Variants in CEP290 observed in about 807,000 individuals in gnomAD.
CEP290 encodes the protein centrosomal protein of 290 kDa.
Under a neutral mutation model 344.9 loss-of-function variants are expected in CEP290, and 317 were observed. The observed-to-expected ratio is 0.92, with a 90% CI of 0.84 to 1.01. CEP290 has a LOEUF of 1.01. Among genes scored for constraint, CEP290 ranks in the 50% least tolerant of loss-of-function variants. The pLI is 0.00. For missense variants in CEP290, 2,754 were observed against 2,761.4 expected (o/e 1.00, Z 0.06); for synonymous variants, 932 against 895.8 (o/e 1.04, Z -0.72).
In CEP290 at chr12:88,080,412, T is replaced by C. The variant is rs2036114425; in HGVS notation, c.5013-17A>G. On this transcript the variant is annotated splice_polypyrimidine_tract_variant and intron_variant, in intron 37 of 53. Coordinates refer to ENST00000552810, the MANE Select transcript of CEP290 (RefSeq NM_025114.4). ...TCTTGAAGCCTGATGTAAATAAACA[T>C]ATGTGTGTGTGTGTTTTTTAATTTT... is the stretch of plus-strand genomic sequence containing the variant. The C allele has an allele frequency of 2.6e-6, 4 of 1,568,352 alleles. No individual in the cohort carries two copies. The highest frequency in any genetic ancestry group is 2.7e-5 in the African/African-American group (2 of 73,318).
Position 88,141,053 on chromosome 12 carries a change from A to G in CEP290, c.103-20T>C, listed in dbSNP as rs1029795688. 2.6e-6 allele frequency: 4 copies of G among 1,542,500 alleles called. No individual in the cohort carries two copies. In the East Asian group the frequency reaches 9.3e-5, roughly 36 times the overall value. ...TTCCACCTAAGTAAACAGAAAAGCA[A>G]CTGTTTTATATTTTATAACCTTCAA... On this transcript the variant is annotated intron_variant, in intron 2 of 53. Transcript: ENST00000552810.
chr12:88,127,486 T>TCAAAAA (rs897853859), intron 11 of CEP290, among the ~76,000 whole-genome samples: 14 of 151,854 alleles, frequency 9.2e-5, no homozygotes, highest in Non-Finnish European at 1.3e-4. Context: ...AGACTCTGTC[T>TCAAAAA]CAAAAACAAA....
chr12:88,116,771 G>A (rs919449508), intron 18 of CEP290, among the ~76,000 whole-genome samples: 2 of 151,780 alleles, frequency 1.3e-5, no homozygotes, highest in Non-Finnish European at 2.9e-5. Context: ...TCAGAAGATC[G>A]AGACCATCCC....
intron 39 of CEP290, among the ~76,000 whole-genome samples, chr12:88,078,392 C>T (rs1288343135): frequency 6.6e-6 from 1 of 151,922 alleles, no homozygotes; most frequent in Non-Finnish European, 1.5e-5. Flanking sequence ...GAAAGGAGTT[C>T]CTAGCTGTCC....
chr12:88,079,262 T>A (rs767235503), intron 38 of CEP290, 33 bp from the exon 39 acceptor site: 1 of 1,530,228 alleles, frequency 6.5e-7, no homozygotes, highest in Non-Finnish European at 8.8e-7. Context: ...ATGTAATTTT[T>A]AAAGGAAAAC....
At chr12:88,115,582 T>A (rs1170352411) in intron 18 of CEP290, 1 of 1,274,564 alleles carries the variant, frequency 7.8e-7, no homozygotes, top group South Asian at 1.2e-5. Flanking sequence ...TAAAGAAAAA[T>A]TTAATAAATT....
At chr12:88,055,080 T>A (rs989818007) in intron 50 of CEP290, among the ~76,000 whole-genome samples, 1 of 152,086 alleles carries the variant, frequency 6.6e-6, no homozygotes, top group African/African-American at 2.4e-5. Flanking sequence ...AAAAGAACTT[T>A]TAAGTTTTAT....
chr12:88,135,409 C>A (rs1339330673), intron 6 of CEP290, among the ~76,000 whole-genome samples: 2 of 152,026 alleles, frequency 1.3e-5, no homozygotes, highest in Non-Finnish European at 2.9e-5. Context: ...GAACAAAAGT[C>A]CAGAAAACCA....
At chr12:88,114,727 G>A (rs1011606752) in intron 19 of CEP290, among the ~76,000 whole-genome samples, 165 bp from the exon 20 acceptor site, 1 of 152,084 alleles carries the variant, frequency 6.6e-6, no homozygotes, top group African/African-American at 2.4e-5. Context: ...GTGAATAGTT[G>A]AGTTAAATGA....
At chr12:88,108,642 T>C (rs1300894497) in intron 23 of CEP290, among the ~76,000 whole-genome samples, 1 of 152,226 alleles carries the variant, frequency 6.6e-6, no homozygotes, top group Non-Finnish European at 1.5e-5. Context: ...GTGATGATGA[T>C]GAATGATGCT....
chr12:88,072,787 T>C (rs2035480108), intron 41 of CEP290, among the ~76,000 whole-genome samples: 1 of 152,058 alleles, frequency 6.6e-6, no homozygotes, highest in African/African-American at 2.4e-5. Context: ...TAAAATCAGA[T>C]AAAAAAGTGT....
chr12:88,076,956 G>A (rs1185228076), intron 41 of CEP290, among the ~76,000 whole-genome samples: 1 of 152,026 alleles, frequency 6.6e-6, no homozygotes, highest in Non-Finnish European at 1.5e-5. Flanking sequence ...GTACTCTAAT[G>A]TCAGAAAGAT....
At chr12:88,141,370 G>A (rs2040650896) in intron 1 of CEP290, 36 bp from the exon 2 acceptor site, 2 of 1,068,568 alleles carry the variant, frequency 1.9e-6, no homozygotes, top group Non-Finnish European at 1.4e-6. Flanking sequence ...CATTTTCAAG[G>A]TACACAGTAT....
At position 88,139,571 on chromosome 12, in the gene CEP290, AT is replaced by A; in HGVS notation, c.181-8del. ...CCACTTCTTGAGCTTTCATCTAAAC[AT>A]TAAAAAAAGGTTATTTCAATATGCC... On this transcript the variant is annotated splice_polypyrimidine_tract_variant and splice_region_variant and intron_variant, in intron 3 of 53. Coordinates refer to ENST00000552810, the MANE Select transcript of CEP290 (RefSeq NM_025114.4). 1 of 1,559,232 alleles carries A rather than the reference AT, an allele frequency of 6.4e-7. No homozygotes were observed.
Position 88,117,039 on chromosome 12 carries a change from T to C in CEP290, c.1818A>G (p.Gln606=). 1.4e-6 allele frequency: 2 copies of C among 1,434,148 alleles called. No homozygotes were observed. Among genetic ancestry groups the C allele is most frequent in the South Asian group, 1.2e-5 (1 of 80,650 alleles). 88.8% of individuals were successfully genotyped at this position (1,434,148 alleles called of 1,614,324 possible). A position where few individuals can be genotyped will look rare whatever the true frequency, so the allele number is the denominator to read the frequency against. The change falls in exon 18 of 54, where the codon CAA becomes CAG. Residue 606 remains glutamine, a synonymous_variant. Transcript: ENST00000552810. ...LLSLKNMSEA[Q]SKNEFLSREL... Reference sequence around the variant, plus strand: ...TGCAATACTTTACTATTACCTTTGATTGTGCTTCACTCATATTTTTGAGGC... The same window carrying C: ...TGCAATACTTTACTATTACCTTTGACTGTGCTTCACTCATATTTTTGAGGC...
intron 18 of CEP290, chr12:88,115,604 T>C (rs1034772937): frequency 8.3e-7 from 1 of 1,205,696 alleles, no homozygotes. Flanking sequence ...GACAAGTCAA[T>C]GAGTTCATAT....
At chr12:88,140,600 T>C (rs2040592342) in intron 3 of CEP290, among the ~76,000 whole-genome samples, 1 of 152,218 alleles carries the variant, frequency 6.6e-6, no homozygotes. Context: ...CTAACACTAC[T>C]CCTCAGTATT....
At chr12:88,138,010 A>T (rs576020009) in intron 5 of CEP290, among the ~76,000 whole-genome samples, 1 of 152,290 alleles carries the variant, frequency 6.6e-6, no homozygotes, top group South Asian at 2.1e-4. Context: ...AATGCCCACT[A>T]AGCAATCTCC....
chr12:88,115,999 C>T (rs2039015460), intron 18 of CEP290: 5 of 985,026 alleles, frequency 5.1e-6, no homozygotes, highest in Middle Eastern at 5.2e-4. Flanking sequence ...TCTAATGTTG[C>T]TACTTGTGAT....
Sources: gnomAD v4.1 joint callset for allele counts (sites outside exome capture counted in the v4.1 genomes callset) on GRCh38, gnomAD v4.1.1 for gene constraint, MANE v1.5 for transcripts, NCBI Gene and HGNC (gene_info 2026-07-23, HGNC 2026-07-21) for gene names.